Variants in ZFHX3 observed in about 807,000 individuals in gnomAD.
ZFHX3 encodes zinc finger homeobox protein 3.
In ZFHX3, 42 loss-of-function variants were observed where a neutral mutation model predicts 279.1. The ratio of observed to expected loss-of-function variants is 0.15; its 90% CI spans 0.12 to 0.19. The LOEUF is 0.19. Ranked by LOEUF, ZFHX3 falls within the 10% of genes least tolerant of loss-of-function variation. ZFHX3 has a pLI of 1.00. For synonymous variants in ZFHX3, 2,293 were observed against 1,957.8 expected, an observed-to-expected ratio of 1.17 and a Z score of -4.52; for missense variants, 4,981 against 4,754.0, an observed-to-expected ratio of 1.05 and a Z score of -1.40.
At chr16:72,929,801 T>C (rs532778602) in intron 3 of ZFHX3, among the ~76,000 whole-genome samples, 1 of 152,306 alleles carries the variant, frequency 6.6e-6, no homozygotes, top group African/African-American at 2.4e-5. Context: ...GACATAATCC[T>C]CATCAGCTGT....
At chr16:73,475,760 AATTTTC>A (rs1957952042) in intron 2 of ZFHX3, among the ~76,000 whole-genome samples, 2 of 152,258 alleles carry the variant, frequency 1.3e-5, no homozygotes, top group African/African-American at 4.8e-5. Flanking sequence ...AGTATATTCC[AATTTTC>A]TATTTTTTCA....
At chr16:72,824,804 C>T (rs577074296) in intron 5 of ZFHX3, among the ~76,000 whole-genome samples, 1 of 152,318 alleles carries the variant, frequency 6.6e-6, no homozygotes, top group East Asian at 1.9e-4. Context: ...TTAATCATTG[C>T]TCAGTTGCTG....
intron 2 of ZFHX3, among the ~76,000 whole-genome samples, chr16:73,502,106 G>A (rs2019249298): frequency 6.6e-6 from 1 of 151,946 alleles, no homozygotes; most frequent in South Asian, 2.1e-4. Flanking sequence ...TACTAATCGG[G>A]GGTGGGGGAA....
At chr16:73,429,446 C>A (rs1235510741) in intron 3 of ZFHX3, among the ~76,000 whole-genome samples, 7 of 152,142 alleles carry the variant, frequency 4.6e-5, no homozygotes, top group Non-Finnish European at 1.0e-4. Context: ...AATTCTCCTG[C>A]CTTAGCCTCC....
At chr16:73,015,238 G>A (rs913189832) in intron 1 of ZFHX3, 3 of 151,692 alleles carry the variant, frequency 2.0e-5, no homozygotes, top group African/African-American at 7.3e-5. Flanking sequence ...GTAGAGACAG[G>A]GTTTTGCTGT....
intron 3 of ZFHX3, among the ~76,000 whole-genome samples, chr16:72,898,793 AT>A (rs2038962252): frequency 6.6e-6 from 1 of 151,838 alleles, no homozygotes; most frequent in Non-Finnish European, 1.5e-5. Flanking sequence ...CCCATAGTAA[AT>A]GCTATGCATG....
intron 3 of ZFHX3, among the ~76,000 whole-genome samples, chr16:73,325,928 A>AAACACACACACACACACACACACAAAC (rs368062772): frequency 3.4e-5 from 5 of 145,570 alleles, no homozygotes; most frequent in African/African-American, 1.3e-4. Flanking sequence ...CACACACACA[A>AAACACACACACACACACACACACAAAC]ACACACACAC....
intron 1 of ZFHX3, among the ~76,000 whole-genome samples, chr16:73,779,724 C>T (rs527896423): frequency 2.8e-4 from 43 of 152,246 alleles, no homozygotes; most frequent in Non-Finnish European, 5.0e-4. Flanking sequence ...AATCCCAAGC[C>T]TTTCCTTTTT....
chr16:73,447,221 C>T (rs2018203919), intron 3 of ZFHX3, among the ~76,000 whole-genome samples: 1 of 151,436 alleles, frequency 6.6e-6, no homozygotes, highest in Non-Finnish European at 1.5e-5. Flanking sequence ...AACCTCTCTG[C>T]TCCAACATCT....
intron 2 of ZFHX3, among the ~76,000 whole-genome samples, chr16:73,652,579 C>T (rs560061368): frequency 1.6e-4 from 25 of 151,968 alleles, no homozygotes; most frequent in Admixed American, 3.3e-4. Context: ...AACATTGACA[C>T]GAAATTAGTG....
intron 3 of ZFHX3, among the ~76,000 whole-genome samples, chr16:73,373,433 C>A (rs2016667224): frequency 1.3e-5 from 2 of 152,150 alleles, no homozygotes; most frequent in Admixed American, 1.3e-4. Flanking sequence ...TATGGAAGAG[C>A]CTCTTAATAC....
chr16:73,531,067 G>T (rs1158645781), intron 2 of ZFHX3, among the ~76,000 whole-genome samples: 1 of 152,222 alleles, frequency 6.6e-6, no homozygotes, highest in Non-Finnish European at 1.5e-5. Context: ...CTTCCAAGCT[G>T]TCACTATTTG....
chr16:72,829,030 C>T (rs1047150778), intron 5 of ZFHX3, among the ~76,000 whole-genome samples: 18 of 150,252 alleles, frequency 1.2e-4, no homozygotes, highest in African/African-American at 4.2e-4. Flanking sequence ...GAGTCTCACT[C>T]TGTCGCGCAG....
At chr16:73,222,926 C>A (rs1246386804) in intron 5 of ZFHX3, among the ~76,000 whole-genome samples, 2 of 151,970 alleles carry the variant, frequency 1.3e-5, no homozygotes, top group African/African-American at 2.4e-5. Context: ...CATAAAAAGT[C>A]AACTGATCTT....
intron 3 of ZFHX3, among the ~76,000 whole-genome samples, chr16:73,444,669 A>G (rs534913926): frequency 5.6e-4 from 85 of 152,350 alleles, no homozygotes; most frequent in Non-Finnish European, 3.7e-4. Context: ...GCCTCCAGAA[A>G]ACATGTTCTC....
At chr16:73,173,465 G>C (rs1227483622) in intron 5 of ZFHX3, among the ~76,000 whole-genome samples, 1 of 149,706 alleles carries the variant, frequency 6.7e-6, no homozygotes, top group African/African-American at 2.5e-5. Flanking sequence ...CAGGGAGTCT[G>C]CTTGTGCCTG....
intron 1 of ZFHX3, among the ~76,000 whole-genome samples, chr16:73,020,543 T>C (rs1298268314): frequency 1.3e-5 from 2 of 152,162 alleles, no homozygotes; most frequent in Non-Finnish European, 2.9e-5. Context: ...GACAAACCAC[T>C]GTGTAGCCAG....
chr16:73,329,856 G>A (rs931775706), intron 3 of ZFHX3, among the ~76,000 whole-genome samples: 1 of 152,184 alleles, frequency 6.6e-6, no homozygotes, highest in Non-Finnish European at 1.5e-5. Flanking sequence ...TTTTCGGCAC[G>A]AGTGAGTTGA....
At chr16:73,559,044 T>G (rs11859330) in intron 2 of ZFHX3, among the ~76,000 whole-genome samples, 13,885 of 149,470 alleles carry the variant, frequency 0.093, 857 homozygotes, top group African/African-American at 0.15. Context: ...ACTCCTCTTT[T>G]TGTGTGTGTG....
Sources: gnomAD v4.1 joint callset for allele counts (sites outside exome capture counted in the v4.1 genomes callset) on GRCh38, gnomAD v4.1.1 for gene constraint, MANE v1.5 for transcripts, NCBI Gene and HGNC (gene_info 2026-07-23, HGNC 2026-07-21) for gene names.